The following DYM variants were observed in gnomAD, a reference collection of about 807,000 sequenced individuals.
DYM encodes the protein dymeclin.
DYM carries 78 observed loss-of-function variants against 93.1 expected under a neutral mutation model. That is an observed-to-expected ratio of 0.84 (90% CI 0.70 to 1.01). The LOEUF (loss-of-function observed/expected upper bound fraction) is 1.01. DYM is among the 50% of genes least tolerant of loss of function. The probability of loss-of-function intolerance (pLI) is 0.00; values close to 1 mark genes in which losing one functional copy is unlikely to be tolerated. For missense variants in DYM, 789 were observed against 845.0 expected (o/e 0.93, Z 0.82); for synonymous variants, 321 against 319.7 (o/e 1.00, Z -0.04).
intron 13 of DYM, among the ~76,000 whole-genome samples, chr18:49,254,325 T>TATATAC (rs1279388698): frequency 1.5e-4 from 21 of 138,624 alleles, no homozygotes; most frequent in South Asian, 6.9e-4. Context: ...TATATATATA[T>TATATAC]ACACACATAG....
intron 2 of DYM, among the ~76,000 whole-genome samples, chr18:49,411,647 CT>C (rs1275106861): frequency 6.6e-6 from 1 of 152,056 alleles, no homozygotes; most frequent in African/African-American, 2.4e-5. Flanking sequence ...TATAACAGAC[CT>C]CTGAACACAG....
At position 49,254,029 on chromosome 18, in the gene DYM, T is replaced by G. The variant is rs2094340744; in HGVS notation, c.1460+2981A>C. 7.2e-5 allele frequency among the ~76,000 whole-genome samples: 11 copies of G among 151,976 alleles called. No homozygotes were observed. The South Asian group carries it at 2.3e-3, about 32-fold the overall frequency. On this transcript the variant is annotated intron_variant, in intron 13 of 17. Coordinates refer to ENST00000675505, the MANE Select transcript of DYM (RefSeq NM_001353214.3). ...GTTATTTTCTACATATAAATCATGC[T>G]CTCTCACCATAGTCCCTCTCTTGTT... is the stretch of plus-strand genomic sequence containing the variant.
At chr18:49,385,031 T>G (rs1157074383) in intron 3 of DYM, among the ~76,000 whole-genome samples, 1 of 150,308 alleles carries the variant, frequency 6.7e-6, no homozygotes, top group East Asian at 1.9e-4. Context: ...GAGAAATATT[T>G]ATCACCAAGG....
At chr18:49,233,534 T>C (rs959344370) in intron 13 of DYM, among the ~76,000 whole-genome samples, 1 of 152,154 alleles carries the variant, frequency 6.6e-6, no homozygotes, top group African/African-American at 2.4e-5. Flanking sequence ...CCCTCTAACT[T>C]GCCTATGATG....
chr18:49,344,470 G>A lies in DYM; in HGVS notation c.495-10617C>T, dbSNP rs143745276. Among the ~76,000 whole-genome samples, 13 of 151,956 alleles carry A rather than the reference G, an allele frequency of 8.6e-5. No homozygotes were observed. In the East Asian group the frequency reaches 1.9e-3, roughly 23 times the overall value. On this transcript the variant is annotated intron_variant, in intron 6 of 17. Transcript: ENST00000675505. ...CACATGTCAACACACCACTTAATACGAATAAAAATACAAGATTTAGAGAAA... is the reference window on the plus strand; with the variant it reads ...CACATGTCAACACACCACTTAATACAAATAAAAATACAAGATTTAGAGAAA...
intron 13 of DYM, among the ~76,000 whole-genome samples, chr18:49,227,659 A>G (rs990046217): frequency 6.6e-6 from 1 of 152,088 alleles, no homozygotes. Flanking sequence ...CTGTCACAGG[A>G]ATGTAGTCAT....
At chr18:49,222,700 T>A (rs914496212) in intron 13 of DYM, among the ~76,000 whole-genome samples, 1 of 152,128 alleles carries the variant, frequency 6.6e-6, no homozygotes, top group Non-Finnish European at 1.5e-5. Context: ...ACCAAAGGCA[T>A]GAAACTCTAG....
At chr18:49,235,114 G>A (rs2093822109) in intron 13 of DYM, among the ~76,000 whole-genome samples, 1 of 152,328 alleles carries the variant, frequency 6.6e-6, no homozygotes, top group African/African-American at 2.4e-5. Context: ...GAAACCAGCA[G>A]AGCCAAGTCA....
intron 2 of DYM, among the ~76,000 whole-genome samples, chr18:49,419,635 A>C (rs1308112969): frequency 6.6e-6 from 1 of 152,190 alleles, no homozygotes; most frequent in Non-Finnish European, 1.5e-5. Context: ...TACACATTTC[A>C]GAATAAACTT....
intron 1 of DYM, among the ~76,000 whole-genome samples, chr18:49,443,531 G>C (rs536051998): frequency 3.4e-4 from 52 of 152,184 alleles, no homozygotes; most frequent in Non-Finnish European, 2.5e-4. Flanking sequence ...TTTAAATCTA[G>C]TTAGATGTCA....
chr18:49,398,636 G>A (rs2070410752), intron 2 of DYM, among the ~76,000 whole-genome samples: 1 of 152,118 alleles, frequency 6.6e-6, no homozygotes, highest in African/African-American at 2.4e-5. Flanking sequence ...CCAATTCCTG[G>A]GACCAGTTCT....
chr18:49,428,843 C>T (rs980350035), intron 2 of DYM, among the ~76,000 whole-genome samples: 4 of 152,108 alleles, frequency 2.6e-5, no homozygotes, highest in Non-Finnish European at 5.9e-5. Flanking sequence ...GAATAATACA[C>T]TTTAAATGGG....
chr18:49,441,156 TATATTA>T (rs1347794109), intron 1 of DYM, among the ~76,000 whole-genome samples: 2 of 21,426 alleles, frequency 9.3e-5, no homozygotes, highest in East Asian at 0.01. Context: ...TAATATAATA[TATATTA>T]TATATTATAT....
intron 8 of DYM, among the ~76,000 whole-genome samples, chr18:49,312,989 G>C (rs955928184): frequency 1.3e-5 from 2 of 152,200 alleles, no homozygotes; most frequent in African/African-American, 4.8e-5. Context: ...ACATGCACTT[G>C]TAATTAATCC....
At chr18:49,243,676 A>AG (rs1439545520) in intron 13 of DYM, among the ~76,000 whole-genome samples, 5 of 151,234 alleles carry the variant, frequency 3.3e-5, no homozygotes, top group South Asian at 2.1e-4. Context: ...CAAAAAAAAA[A>AG]AAAAAGAAAA....
At chr18:49,251,665 C>A (rs374614141) in intron 13 of DYM, among the ~76,000 whole-genome samples, 4 of 152,162 alleles carry the variant, frequency 2.6e-5, no homozygotes, top group African/African-American at 9.7e-5. Context: ...TCACCATAAT[C>A]CTTTGAGATA....
At chr18:49,315,214 TAA>T (rs201223596) in intron 8 of DYM, among the ~76,000 whole-genome samples, 24 of 146,040 alleles carry the variant, frequency 1.6e-4, no homozygotes, top group East Asian at 2.0e-4. Flanking sequence ...GACCCTGTGT[TAA>T]AAAAAAAAAA....
rs551725902 is a variant in DYM, at chr18:49,147,946, A to G, written c.1728+15739T>C. Among the ~76,000 whole-genome samples the G allele has an allele frequency of 3.8e-4, 58 of 152,354 alleles. 2 individuals carry two copies. In the South Asian group the frequency reaches 0.012, roughly 32 times the overall value. Reference sequence around the variant, plus strand: ...TAGCAAAGACTTGGAACCAAGCCAAATGTCCAACAATGATAGACCGGATTA... The same window carrying G: ...TAGCAAAGACTTGGAACCAAGCCAAGTGTCCAACAATGATAGACCGGATTA... On this transcript the variant is annotated intron_variant, in intron 15 of 17. Transcript: ENST00000675505.
At chr18:49,061,124 AT>A (rs1940734779) in intron 17 of DYM, among the ~76,000 whole-genome samples, 1 of 152,166 alleles carries the variant, frequency 6.6e-6, no homozygotes, top group Non-Finnish European at 1.5e-5. Context: ...TAATCTAGAC[AT>A]GGAGATAAAA....
Sources: gnomAD v4.1 joint callset for allele counts (sites outside exome capture counted in the v4.1 genomes callset) on GRCh38, gnomAD v4.1.1 for gene constraint, MANE v1.5 for transcripts, NCBI Gene and HGNC (gene_info 2026-07-23, HGNC 2026-07-21) for gene names.